POLDIP3: variants seen among roughly 807,000 people sequenced by gnomAD.
POLDIP3 encodes the protein DNA polymerase delta interacting protein 3.
A neutral mutation model predicts 45.1 loss-of-function variants in POLDIP3; 14 were observed. That is an observed-to-expected ratio of 0.31 (90% CI 0.20 to 0.49). POLDIP3 has a LOEUF of 0.49. Among genes scored for constraint, POLDIP3 ranks in the 20% least tolerant of loss-of-function variants. The probability of loss-of-function intolerance (pLI) is 0.99; values close to 1 mark genes in which losing one functional copy is unlikely to be tolerated. For missense variants in POLDIP3, 511 were observed against 538.8 expected (o/e 0.95, Z 0.51); for synonymous variants, 223 against 205.2 (o/e 1.09, Z -0.74).
chr22:42,606,309 C>A (rs1434004306), intron 1 of POLDIP3, among the ~76,000 whole-genome samples: 1 of 151,754 alleles, frequency 6.6e-6, no homozygotes, highest in Non-Finnish European at 1.5e-5. Context: ...TGGCTTGAGC[C>A]CAGGAGATCG....
At chr22:42,586,215 C>T (rs1925302321) in intron 8 of POLDIP3, among the ~76,000 whole-genome samples, 1 of 151,938 alleles carries the variant, frequency 6.6e-6, no homozygotes, top group Non-Finnish European at 1.5e-5. Flanking sequence ...ACCACCATGC[C>T]TGGCTCATTT....
At chr22:42,597,050 G>T (rs1343655020) in intron 4 of POLDIP3, among the ~76,000 whole-genome samples, 1 of 152,088 alleles carries the variant, frequency 6.6e-6, no homozygotes. Flanking sequence ...CAGTGTTTTG[G>T]TTCCTCTTCT....
At chr22:42,606,257 C>G (rs1406128897) in intron 1 of POLDIP3, among the ~76,000 whole-genome samples, 1 of 151,756 alleles carries the variant, frequency 6.6e-6, no homozygotes, top group Admixed American at 6.6e-5. Context: ...CACAGTGGCT[C>G]ATGCCTGTAA....
rs759232713 is a variant in POLDIP3, at chr22:42,602,798, G to C, written c.422C>G (p.Pro141Arg). The C allele has an allele frequency of 3.7e-6, 6 of 1,610,354 alleles. No individual in the cohort carries two copies. In the Admixed American group the frequency reaches 1.0e-4, roughly 27 times the overall value. The change falls in exon 2 of 9, where the codon CCT becomes CGT. Residue 141 changes from proline (P) to arginine (R), a missense_variant. By Grantham distance (103) the Pro-to-Arg change is moderately radical. Around this residue, in one of 4 missense-constraint regions of POLDIP3, gnomAD observed 378 missense variants for 352.3 expected, o/e 1.07. Transcript: ENST00000252115. Reference sequence around the variant, plus strand: ...GATGGTTTTGGTGAGCTTCAGAGCAGGGGTCACTGTCCCAATGGGTGGGTT... The same window carrying C: ...GATGGTTTTGGTGAGCTTCAGAGCACGGGTCACTGTCCCAATGGGTGGGTT... ...FINPPIGTVTPALKLTKTIQV... is the reference protein window; with the variant it reads ...FINPPIGTVTRALKLTKTIQV...
chr22:42,594,882 A>T (rs1332970538), intron 6 of POLDIP3, among the ~76,000 whole-genome samples: 1 of 152,216 alleles, frequency 6.6e-6, no homozygotes, highest in African/African-American at 2.4e-5. Flanking sequence ...ACTATTGGAT[A>T]CTGCCCAGTG....
chr22:42,614,327 G>C (rs1174193151), intron 1 of POLDIP3, among the ~76,000 whole-genome samples: 3 of 152,264 alleles, frequency 2.0e-5, no homozygotes, highest in African/African-American at 7.2e-5. Context: ...CAGGGGCCGC[G>C]TGCAGGGGGA....
At chr22:42,586,574 C>G (rs1162763351) in intron 8 of POLDIP3, among the ~76,000 whole-genome samples, 1 of 152,088 alleles carries the variant, frequency 6.6e-6, no homozygotes, top group Admixed American at 6.6e-5. Context: ...ATCTGAGAAG[C>G]CCGAAAGTGA....
At chr22:42,614,777 G>A in intron 1 of POLDIP3, 22 bp downstream of exon 1, 3 of 1,613,792 alleles carry the variant, frequency 1.9e-6, no homozygotes, top group East Asian at 2.2e-5. Flanking sequence ...CCTAAACCCC[G>A]AAGAAAGGAA....
intron 7 of POLDIP3, among the ~76,000 whole-genome samples, chr22:42,588,325 G>A (rs1460055349): frequency 6.6e-6 from 1 of 151,736 alleles, no homozygotes; most frequent in Admixed American, 6.6e-5. Flanking sequence ...TGTGGTGGCG[G>A]GCGCCTGTAG....
intron 1 of POLDIP3, among the ~76,000 whole-genome samples, chr22:42,613,616 C>G (rs1345723536): frequency 1.3e-5 from 2 of 152,010 alleles, no homozygotes; most frequent in East Asian, 1.9e-4. Context: ...CAAAAATTAG[C>G]CGGGCGTGGT....
intron 3 of POLDIP3, among the ~76,000 whole-genome samples, chr22:42,601,162 G>A (rs1329762443): frequency 1.3e-5 from 2 of 151,892 alleles, no homozygotes; most frequent in African/African-American, 4.8e-5. Context: ...TTGGAGAATA[G>A]GAACTTGAGG....
At chr22:42,588,856 A>C (rs1421742253) in intron 7 of POLDIP3, among the ~76,000 whole-genome samples, 1 of 152,156 alleles carries the variant, frequency 6.6e-6, no homozygotes, top group Non-Finnish European at 1.5e-5. Context: ...TCGAACTCCC[A>C]ATCAGGTGAT....
chr22:42,591,231 A>G (rs907035734), intron 7 of POLDIP3, among the ~76,000 whole-genome samples: 4 of 152,192 alleles, frequency 2.6e-5, no homozygotes, highest in Admixed American at 2.0e-4. Flanking sequence ...TGACATACAA[A>G]TGGCCAATAA....
intron 1 of POLDIP3, among the ~76,000 whole-genome samples, chr22:42,605,522 T>C (rs1459038228): frequency 6.6e-6 from 1 of 152,220 alleles, no homozygotes; most frequent in Non-Finnish European, 1.5e-5. Flanking sequence ...ATTTTTCTCT[T>C]TGGAGTGGCA....
intron 8 of POLDIP3, 134 bp downstream of exon 8, chr22:42,587,372 C>A: frequency 1.1e-6 from 1 of 925,934 alleles, no homozygotes; most frequent in South Asian, 1.6e-5. Context: ...GCATATGAAA[C>A]GGCCAGCTGC....
chr22:42,584,100 C>A lies in POLDIP3; in HGVS notation c.*1691G>T, dbSNP rs910537589. On this transcript the variant is annotated 3_prime_UTR_variant, in exon 9 of 9. Transcript: ENST00000252115. Reference sequence around the variant, plus strand: ...ATCCCTACCCTAAGCACAGTGCAAGCAGTGAGCCCCCGGCTCCCAGTACCT... The same window carrying A: ...ATCCCTACCCTAAGCACAGTGCAAGAAGTGAGCCCCCGGCTCCCAGTACCT... 2 of 152,690 alleles carry A rather than the reference C, an allele frequency of 1.3e-5. No homozygotes were observed. The highest frequency in any genetic ancestry group is 2.9e-5 in the Non-Finnish European group (2 of 68,102). The allele number at this position is 152,690 out of a possible 1,614,324, so 9.5% of individuals were successfully genotyped here. A position where few individuals can be genotyped will look rare whatever the true frequency, so the allele number is the denominator to read the frequency against.
intron 1 of POLDIP3, among the ~76,000 whole-genome samples, chr22:42,605,100 CTG>C (rs753488493): frequency 2.2e-4 from 34 of 152,304 alleles, no homozygotes; most frequent in Non-Finnish European, 3.5e-4. Flanking sequence ...CCCAGACTCT[CTG>C]TGACAAGGAA....
intron 5 of POLDIP3, 38 bp downstream of exon 5, chr22:42,596,148 C>T: frequency 6.2e-7 from 1 of 1,605,728 alleles, no homozygotes; most frequent in East Asian, 2.2e-5. Context: ...ATACAGCCCT[C>T]CTGACCCCAA....
intron 1 of POLDIP3, among the ~76,000 whole-genome samples, chr22:42,612,697 G>GCA (rs1927200314): frequency 6.6e-6 from 1 of 152,028 alleles, no homozygotes; most frequent in Non-Finnish European, 1.5e-5. Context: ...GTGGTGTCGG[G>GCA]CACCTGTAAT....
Sources: allele counts gnomAD v4.1 joint callset (sites outside exome capture counted in the v4.1 genomes callset), GRCh38; gene constraint gnomAD v4.1.1; regional missense constraint gnomAD v4.1.1; transcripts MANE v1.5; gene names NCBI Gene and HGNC (gene_info 2026-07-23, HGNC 2026-07-21).